CLCN6: variants seen among roughly 807,000 people sequenced by gnomAD.
CLCN6 encodes H(+)/Cl(-) exchange transporter 6.
In CLCN6, 70 loss-of-function variants were observed where a neutral mutation model predicts 109.8. That is an observed-to-expected ratio of 0.64 (90% CI 0.53 to 0.78). The LOEUF (loss-of-function observed/expected upper bound fraction) is 0.78, where lower values mean the gene tolerates loss of function less well. CLCN6 is among the 30% of genes least tolerant of loss of function. The pLI, the probability that CLCN6 is intolerant of heterozygous loss-of-function variation, is 0.00. For missense variants in CLCN6, 984 were observed against 1,142.3 expected (o/e 0.86, Z 2.00); for synonymous variants, 444 against 447.8 (o/e 0.99, Z 0.11).
Position 11,826,181 on chromosome 1 carries a change from T to C in CLCN6, c.674T>C (p.Ile225Thr). The part of the protein sequence containing the change: ...PQFQSISLRK[I>T]QFNFPYFRSD... ...TTTCAGAGCATCTCCTTACGGAAGA[T>C]CCAGTTTAACTTCCCCTATTTCCGA... Residue 225 changes from isoleucine (I) to threonine (T), a missense_variant, in exon 9 of 23, where the codon ATC becomes ACC. Transcript: ENST00000346436. 6.2e-7 allele frequency: 1 copy of C among 1,614,030 alleles called. No individual in the cohort carries two copies. Among genetic ancestry groups the C allele is most frequent in the Non-Finnish European group, 8.5e-7 (1 of 1,179,902 alleles).
intron 2 of CLCN6, among the ~76,000 whole-genome samples, chr1:11,811,554 G>C (rs773282042): frequency 6.6e-6 from 1 of 152,098 alleles, no homozygotes; most frequent in Non-Finnish European, 1.5e-5. Context: ...GGCTAATTTT[G>C]TATTTTTAGT....
chr1:11,837,622 G>A (rs1644967291), intron 20 of CLCN6, 123 bp downstream of exon 20: 1 of 973,892 alleles, frequency 1.0e-6, no homozygotes, highest in Non-Finnish European at 1.5e-6. Flanking sequence ...GAAGTGCAGA[G>A]TGGACTTAGG....
Position 11,837,119 on chromosome 1 carries a change from GAGA to G in CLCN6, c.2104_2106del (p.Lys702del). 1 of 1,613,196 alleles carries G rather than the reference GAGA, an allele frequency of 6.2e-7. No individual in the cohort carries two copies. Among genetic ancestry groups the G allele is most frequent in the Non-Finnish European group, 8.5e-7 (1 of 1,180,006 alleles). ...GCACATCGCCTCTGAGGAGCCAGCC[GAGA>G]AGGAGGACCTCCTGCAGCAGATGCT... On this transcript the variant is annotated inframe_deletion, in exon 19 of 23. Transcript: ENST00000346436.
chr1:11,834,943 A>G lies in CLCN6; in HGVS notation c.1793+353A>G, dbSNP rs181726661. Among the ~76,000 whole-genome samples the G allele has an allele frequency of 6.6e-6, 1 of 152,332 alleles. No individual in the cohort carries two copies. Among genetic ancestry groups the G allele is most frequent in the Non-Finnish European group, 1.5e-5 (1 of 68,026 alleles). ...CAGGAGTGAGAATAGCCTGTTTCAC[A>G]TGTGCCCACCAGAATGCCCTACTGC... is the stretch of plus-strand genomic sequence containing the variant. On this transcript the variant is annotated intron_variant, in intron 17 of 22. Coordinates refer to ENST00000346436, the MANE Select transcript of CLCN6 (RefSeq NM_001286.5). This position sits in a 1 kb window ranked among gnomAD's most constrained non-coding sequence, Gnocchi z 4.5.
In CLCN6 at chr1:11,830,740, TATA is replaced by T. The variant is rs1557429562; in HGVS notation, c.1248+1419_1248+1421del. Among the ~76,000 whole-genome samples the T allele has an allele frequency of 2.7e-3, 292 of 110,188 alleles. 2 individuals are homozygous for T. The highest frequency in any genetic ancestry group is 9.0e-3 in the South Asian group (32 of 3,570). The allele number at this position is 110,188 out of a possible 152,430, so 72.3% of individuals were successfully genotyped here. A position where few individuals can be genotyped will look rare whatever the true frequency, so the allele number is the denominator to read the frequency against. ...TGTCCCCAGTTATATGTATATATTA[TATA>T]TATATATATATATATATATATACAC... On this transcript the variant is annotated intron_variant, in intron 13 of 22. Coordinates refer to ENST00000346436, the MANE Select transcript of CLCN6 (RefSeq NM_001286.5).
chr1:11,836,926 A>G, intron 18 of CLCN6, 73 bp from the exon 19 acceptor site: 1 of 1,561,306 alleles, frequency 6.4e-7, no homozygotes, highest in Non-Finnish European at 8.7e-7. Context: ...CTGTCACCCA[A>G]ATCCTTAAGC....
intron 13 of CLCN6, 87 bp downstream of exon 13, chr1:11,829,409 A>G (rs1644853167): frequency 6.6e-7 from 1 of 1,508,488 alleles, no homozygotes; most frequent in Non-Finnish European, 9.2e-7. Context: ...GAACTAATAG[A>G]TATGTTGGGT....
intron 8 of CLCN6, among the ~76,000 whole-genome samples, chr1:11,825,427 G>T (rs138744102): frequency 2.7e-4 from 41 of 152,322 alleles, no homozygotes; most frequent in African/African-American, 9.6e-4. Flanking sequence ...TTCTCTTCCT[G>T]GCGCTGCTGA....
At chr1:11,826,088 A>G in intron 8 of CLCN6, 68 bp from the exon 9 acceptor site, 1 of 1,099,764 alleles carries the variant, frequency 9.1e-7, no homozygotes, top group South Asian at 1.4e-5. Flanking sequence ...TTCCATAATT[A>G]CTGGGGTACA....
chr1:11,842,637 G>A lies in CLCN6; in HGVS notation c.*2414G>A, dbSNP rs902775021. On this transcript the variant is annotated 3_prime_UTR_variant, in exon 23 of 23. Transcript: ENST00000346436. The stretch of plus-strand genomic sequence containing the variant: ...CGGGTGGTAAGAAGTGGTGTTTTGT[G>A]TTTCATCTCCAGCTTGGTGTTCCAT... The A allele has an allele frequency of 3.9e-5, 6 of 152,700 alleles. No homozygotes were observed. The highest frequency in any genetic ancestry group is 8.8e-5 in the Non-Finnish European group (6 of 68,092). 9.5% of individuals were successfully genotyped at this position (152,700 alleles called of 1,614,324 possible).
Position 11,827,072 on chromosome 1 carries a change from C to T in CLCN6, c.708-17C>T. The T allele has an allele frequency of 1.9e-6, 3 of 1,612,668 alleles. 1 individual carries two copies. In the South Asian group the frequency reaches 3.3e-5, roughly 18 times the overall value. On this transcript the variant is annotated splice_polypyrimidine_tract_variant and intron_variant, in intron 9 of 22. Transcript: ENST00000346436. Reference sequence around the variant, plus strand: ...GGGGGCTCTTTATTGGATAACCCGTCTCTCTCCTCTCCTCAGAGACAAGAG... The same window carrying T: ...GGGGGCTCTTTATTGGATAACCCGTTTCTCTCCTCTCCTCAGAGACAAGAG...
intron 13 of CLCN6, among the ~76,000 whole-genome samples, chr1:11,831,625 C>T (rs1346711404): frequency 6.6e-6 from 1 of 152,050 alleles, no homozygotes; most frequent in Non-Finnish European, 1.5e-5. Context: ...TACCTTGATG[C>T]GTGTGATTTA....
In CLCN6 at chr1:11,824,567, A is replaced by G; in HGVS notation, c.648+14A>G. ...GGCCTCCCTCAGGTAAGATGGGCTG[A>G]GAGGGTGTGGGCCTCTGGGCAGGCC... On this transcript the variant is annotated intron_variant, in intron 8 of 22. Coordinates refer to ENST00000346436, the MANE Select transcript of CLCN6 (RefSeq NM_001286.5). The G allele has an allele frequency of 6.2e-7, 1 of 1,610,626 alleles. No individual in the cohort carries two copies. Among genetic ancestry groups the G allele is most frequent in the South Asian group, 1.1e-5 (1 of 90,898 alleles).
Position 11,822,726 on chromosome 1 carries a change from C to G in CLCN6, c.378C>G (p.Leu126=), listed in dbSNP as rs746454411. 2 of 1,614,004 alleles carry G rather than the reference C, an allele frequency of 1.2e-6. No homozygotes were observed. The highest frequency in any genetic ancestry group is 1.7e-5 in the Admixed American group (1 of 60,020). ...AGGAGTGCAGCCAGAAAGGCTGCCT[C>G]GCTCTGTCTCTCCTTGAACTCCTGG... is the stretch of plus-strand genomic sequence containing the variant. The part of the protein sequence containing the change: ...SVEECSQKGC[L]ALSLLELLGF... Residue 126 remains leucine, a synonymous_variant, in exon 6 of 23, where the codon CTC becomes CTG. Transcript: ENST00000346436.
At chr1:11,808,218 T>G (rs1644547384) in intron 2 of CLCN6, among the ~76,000 whole-genome samples, 1 of 122,866 alleles carries the variant, frequency 8.1e-6, no homozygotes, top group African/African-American at 3.4e-5. Context: ...ATTGTATGTG[T>G]GTGTGTGTTT....
At position 11,822,714 on chromosome 1, in the gene CLCN6, G is replaced by GA; in HGVS notation, c.369dup (p.Gly124ArgfsTer9). On this transcript the variant is annotated frameshift_variant, in exon 6 of 23. Transcript: ENST00000346436. LOFTEE classifies it high-confidence loss of function. ...CCGCAGCGGTGGAGGAGTGCAGCCA[G>GA]AAAGGCTGCCTCGCTCTGTCTCTCC... is the stretch of plus-strand genomic sequence containing the variant. 2 of 1,612,968 alleles carry GA rather than the reference G, an allele frequency of 1.2e-6. No individual in the cohort carries two copies. Among genetic ancestry groups the GA allele is most frequent in the Non-Finnish European group, 1.7e-6 (2 of 1,178,952 alleles).
chr1:11,828,522 T>C lies in CLCN6; in HGVS notation c.1019T>C (p.Met340Thr). 6.2e-7 allele frequency: 1 copy of C among 1,614,188 alleles called. No homozygotes were observed. The highest frequency in any genetic ancestry group is 8.5e-7 in the Non-Finnish European group (1 of 1,180,022). ...ATGGATTTGGGTTTCTTCGTCGTGATGGGGGTCATTGGGGGCCTCCTGGGA... is the reference window on the plus strand; with the variant it reads ...ATGGATTTGGGTTTCTTCGTCGTGACGGGGGTCATTGGGGGCCTCCTGGGA... ...TAMDLGFFVV[M>T]GVIGGLLGAT... The change falls in exon 12 of 23, where the codon ATG becomes ACG. Residue 340 changes from methionine to threonine, a missense_variant. By Grantham distance (81) the Met-to-Thr change is moderately conservative. Transcript: ENST00000346436.
In CLCN6 at chr1:11,824,539, G is replaced by A. The variant is rs1322526065; in HGVS notation, c.634G>A (p.Ala212Thr). 1.2e-6 allele frequency: 2 copies of A among 1,613,552 alleles called. No individual in the cohort carries two copies. Among genetic ancestry groups the A allele is most frequent in the Non-Finnish European group, 8.5e-7 (1 of 1,179,678 alleles). The change falls in exon 8 of 23, where the codon GCT becomes ACT. Residue 212 changes from alanine to threonine, a missense_variant. Ala to Thr is a moderately conservative substitution (Grantham distance 58). Transcript: ENST00000346436. Reference sequence around the variant, plus strand: ...GATCCACAGTGGTTCGGTGGTGGGAGCTGGCCTCCCTCAGGTAAGATGGGC... The same window carrying A: ...GATCCACAGTGGTTCGGTGGTGGGAACTGGCCTCCCTCAGGTAAGATGGGC... ...PMIHSGSVVG[A>T]GLPQFQSISL...
chr1:11,816,790 C>T, intron 4 of CLCN6, 110 bp downstream of exon 4: 1 of 679,286 alleles, frequency 1.5e-6, no homozygotes, highest in Non-Finnish European at 2.4e-6. Context: ...ACATTTATAA[C>T]ATTATAATGC....
Sources: allele counts gnomAD v4.1 joint callset (sites outside exome capture counted in the v4.1 genomes callset), GRCh38; gene constraint gnomAD v4.1.1; non-coding constraint Gnocchi (gnomAD v3.1); transcripts MANE v1.5; gene names NCBI Gene and HGNC (gene_info 2026-07-23, HGNC 2026-07-21).